P2RX4: variants seen among roughly 807,000 people sequenced by gnomAD.
P2RX4 encodes purinergic receptor P2X 4.
A neutral mutation model predicts 48.0 loss-of-function variants in P2RX4; 37 were observed. The observed-to-expected ratio is 0.77, with a 90% CI of 0.59 to 1.01. The LOEUF is 1.01. Ranked by LOEUF, P2RX4 falls within the 50% of genes least tolerant of loss-of-function variation. P2RX4 has a pLI of 0.00. For missense variants in P2RX4, 501 were observed against 521.4 expected, an observed-to-expected ratio of 0.96 and a Z score of 0.38; for synonymous variants, 200 against 199.7, an observed-to-expected ratio of 1.00 and a Z score of -0.01.
chr12:121,221,923 C>T lies in P2RX4; in HGVS notation c.293C>T (p.Ser98Phe). 1 of 1,614,170 alleles carries T rather than the reference C, an allele frequency of 6.2e-7. No individual in the cohort carries two copies. Among genetic ancestry groups the T allele is most frequent in the Non-Finnish European group, 8.5e-7 (1 of 1,180,016 alleles). Residue 98 changes from serine to phenylalanine, a missense_variant, in exon 3 of 12, where the codon TCC becomes TTC. Coordinates refer to ENST00000337233, the MANE Select transcript of P2RX4 (RefSeq NM_002560.3). ...GTCTCCCCTCTGCAGGAGGAAAACT[C>T]CCTCTTCGTCATGACCAACGTGATC... The part of the protein sequence containing the change: ...DYVIPAQEEN[S>F]LFVMTNVILT...
chr12:121,225,872 A>AGTT (rs1479252489), intron 5 of P2RX4, among the ~76,000 whole-genome samples: 1 of 152,072 alleles, frequency 6.6e-6, no homozygotes, highest in Non-Finnish European at 1.5e-5. Flanking sequence ...TGTGGCTTGT[A>AGTT]GTTGTGTCTC....
At chr12:121,230,627 T>C (rs927413765) in intron 8 of P2RX4, among the ~76,000 whole-genome samples, 1 of 152,240 alleles carries the variant, frequency 6.6e-6, no homozygotes, top group Non-Finnish European at 1.5e-5. Context: ...CACACACTTC[T>C]TGTGGAAACC....
chr12:121,216,092 A>C (rs1886211537), intron 1 of P2RX4: 1 of 152,256 alleles, frequency 6.6e-6, no homozygotes, highest in South Asian at 2.1e-4. Flanking sequence ...TGATGAGCTA[A>C]AAAACAAACT....
intron 5 of P2RX4, among the ~76,000 whole-genome samples, chr12:121,226,117 C>T (rs1199001392): frequency 6.6e-6 from 1 of 152,026 alleles, no homozygotes; most frequent in East Asian, 1.9e-4. Context: ...AAGCAACCCA[C>T]CTGCCTTAGC....
At position 121,233,768 on chromosome 12, in the gene P2RX4, A is replaced by C. The variant is rs1218590202; in HGVS notation, c.*219A>C. 11 of 1,167,186 alleles carry C rather than the reference A, an allele frequency of 9.4e-6. No individual in the cohort carries two copies. Among genetic ancestry groups the C allele is most frequent in the Middle Eastern group, 2.4e-4 (1 of 4,192 alleles). 72.3% of individuals were successfully genotyped at this position (1,167,186 alleles called of 1,614,324 possible). ...CAGCAGTCTGTTCTTGGCTGGGTCA[A>C]CTCTGCTTTTCCCGCAACCTGGGGT... On this transcript the variant is annotated 3_prime_UTR_variant, in exon 12 of 12. Transcript: ENST00000337233.
Position 121,232,456 on chromosome 12 carries a change from C to T in P2RX4, c.927C>T (p.Arg309=), listed in dbSNP as rs746905926. ...YYRDLAGNEQ[R]TLIKAYGIRF... ...GAGACCTGGCTGGCAACGAGCAGCG[C>T]ACGCTCATCAAGGCCTATGGCATCC... The change falls in exon 9 of 12, where the codon CGC becomes CGT. Residue 309 remains arginine (R), a synonymous_variant. Coordinates refer to ENST00000337233, the MANE Select transcript of P2RX4 (RefSeq NM_002560.3). The surrounding 1 kb of genome is among the most constrained non-coding windows in gnomAD (Gnocchi z 4.3). The T allele has an allele frequency of 7.4e-6, 12 of 1,614,064 alleles. No homozygotes were observed. The South Asian group carries it at 1.1e-4, about 15-fold the overall frequency.
At chr12:121,226,628 T>G (rs1037450155) in intron 5 of P2RX4, among the ~76,000 whole-genome samples, 1 of 152,184 alleles carries the variant, frequency 6.6e-6, no homozygotes, top group Non-Finnish European at 1.5e-5. Context: ...TGCCACAGAA[T>G]TGTCCAGTTT....
chr12:121,225,955 C>T (rs2136236627), intron 5 of P2RX4, among the ~76,000 whole-genome samples: 1 of 152,082 alleles, frequency 6.6e-6, no homozygotes, highest in Non-Finnish European at 1.5e-5. Flanking sequence ...TGGCTCACTG[C>T]AGCTTCGAAC....
intron 1 of P2RX4, among the ~76,000 whole-genome samples, chr12:121,210,881 A>G (rs570239954): frequency 4.3e-4 from 65 of 152,228 alleles, no homozygotes; most frequent in East Asian, 1.2e-3. Context: ...GAACGTCTCA[A>G]TCTTCGCTCT....
At chr12:121,221,582 CG>C (rs1205014842) in intron 2 of P2RX4, among the ~76,000 whole-genome samples, 5 of 151,522 alleles carry the variant, frequency 3.3e-5, no homozygotes, top group Non-Finnish European at 5.9e-5. Context: ...TTAGTAGAGA[CG>C]GGGGTTTCAC....
At chr12:121,219,121 C>G (rs772985400) in intron 2 of P2RX4, among the ~76,000 whole-genome samples, 19 of 152,212 alleles carry the variant, frequency 1.2e-4, no homozygotes, top group Non-Finnish European at 2.5e-4. Context: ...GCGGCCTTCT[C>G]TAACACCAAA....
chr12:121,211,572 G>A (rs1885853395), intron 1 of P2RX4, among the ~76,000 whole-genome samples: 1 of 152,192 alleles, frequency 6.6e-6, no homozygotes, highest in Non-Finnish European at 1.5e-5. Context: ...GCTTACCTGG[G>A]GTGTTCTGGT....
Position 121,233,041 on chromosome 12 carries a change from A to G in P2RX4, c.1089A>G (p.Lys363=). The G allele has an allele frequency of 3.1e-6, 5 of 1,614,014 alleles. No individual in the cohort carries two copies. The highest frequency in any genetic ancestry group is 4.2e-6 in the Non-Finnish European group (5 of 1,179,898). Residue 363 remains lysine (K), a synonymous_variant, in exon 11 of 12, where the codon AAA becomes AAG. Transcript: ENST00000337233. ...TCATAGTCCTCTACTGCATGAAGAA[A>G]AGACTCTACTATCGGGAGAAGAAAT... ...CDIIVLYCMK[K]RLYYREKKYK...
chr12:121,225,904 A>G (rs947451837), intron 5 of P2RX4, among the ~76,000 whole-genome samples: 4 of 151,660 alleles, frequency 2.6e-5, no homozygotes, highest in Non-Finnish European at 5.9e-5. Context: ...TTTTTTTGAC[A>G]CAGGATCTTG....
At position 121,229,048 on chromosome 12, in the gene P2RX4, G is replaced by A. The variant is rs374159417; in HGVS notation, c.833G>A (p.Arg278His). ...SLCLPRYSFR[R>H]LDTRDVEHNV... The stretch of plus-strand genomic sequence containing the variant: ...TGCTTGCCCAGGTACTCCTTCCGCC[G>A]CCTCGATACACGGGACGTTGAGCAC... Residue 278 changes from arginine (R) to histidine (H), a missense_variant, in exon 8 of 12, where the codon CGC becomes CAC. Physicochemically the swap from Arg to His is conservative, Grantham distance 29. Transcript: ENST00000337233. The surrounding 1 kb of genome is among the most constrained non-coding windows in gnomAD (Gnocchi z 4.6). 1.1e-5 allele frequency: 17 copies of A among 1,614,082 alleles called. No homozygotes were observed. Among genetic ancestry groups the A allele is most frequent in the Middle Eastern group, 1.6e-4 (1 of 6,062 alleles).
intron 5 of P2RX4, among the ~76,000 whole-genome samples, chr12:121,227,160 A>G (rs1887028573): frequency 6.6e-6 from 1 of 150,694 alleles, no homozygotes; most frequent in Non-Finnish European, 1.5e-5. Context: ...TTTCTCTGAC[A>G]GCAGTGGTGA....
At chr12:121,223,562 C>G (rs58232824) in intron 5 of P2RX4, 35,280 of 175,430 alleles carry the variant, frequency 0.2, 3,814 homozygotes, top group East Asian at 0.3. Context: ...AGATGGGCCA[C>G]AAGTAGTCTG....
chr12:121,225,283 A>C (rs1274081736), intron 5 of P2RX4, among the ~76,000 whole-genome samples: 1 of 152,020 alleles, frequency 6.6e-6, no homozygotes, highest in Non-Finnish European at 1.5e-5. Flanking sequence ...CATGTTGGCC[A>C]GGCTGGTCTC....
chr12:121,231,828 A>G (rs111249465), intron 8 of P2RX4, among the ~76,000 whole-genome samples: 14,820 of 151,814 alleles, frequency 0.098, 1,033 homozygotes, highest in Non-Finnish European at 0.14. Context: ...ACTTGGTGAA[A>G]CCCCGTCTCT....
Sources: gnomAD v4.1 joint callset for allele counts (sites outside exome capture counted in the v4.1 genomes callset) on GRCh38, gnomAD v4.1.1 for gene constraint, Gnocchi (gnomAD v3.1) non-coding constraint, MANE v1.5 for transcripts, NCBI Gene and HGNC (gene_info 2026-07-23, HGNC 2026-07-21) for gene names.